PHTF2: variants seen among roughly 807,000 people sequenced by gnomAD.
PHTF2 encodes putative homeodomain transcription factor 2.
A neutral mutation model predicts 101.2 loss-of-function variants in PHTF2; 60 were observed. That is an observed-to-expected ratio of 0.59 (90% CI 0.48 to 0.73). The LOEUF is 0.73. Among genes scored for constraint, PHTF2 ranks in the 30% least tolerant of loss-of-function variants. PHTF2 has a pLI of 0.00. For synonymous variants in PHTF2, 311 were observed against 307.3 expected (o/e 1.01, Z -0.13); for missense variants, 747 against 908.7 (o/e 0.82, Z 2.29).
chr7:77,843,155 G>A (rs1796016951), intron 2 of PHTF2, among the ~76,000 whole-genome samples: 1 of 152,108 alleles, frequency 6.6e-6, no homozygotes, highest in Non-Finnish European at 1.5e-5. Context: ...CTTCCCCTAA[G>A]TTTCCCCCCT....
Position 77,927,157 on chromosome 7 carries a change from C to CAA in PHTF2, c.1120-1932_1120-1931dup, listed in dbSNP as rs869210694. Among the ~76,000 whole-genome samples the CAA allele has an allele frequency of 5.8e-3, 212 of 36,494 alleles. 7 individuals carry two copies. Among genetic ancestry groups the CAA allele is most frequent in the African/African-American group, 7.4e-3 (99 of 13,340 alleles). The allele number at this position is 36,494 out of a possible 152,430, so 23.9% of individuals were successfully genotyped here. On this transcript the variant is annotated intron_variant, in intron 11 of 19. Coordinates refer to ENST00000416283, the Ensembl canonical transcript of PHTF2. ...TGGGTGACAGAGTGAGACTCCATCT[C>CAA]AAAAAAAAAAAAAAAAAAAAATATA...
chr7:77,888,305 G>A (rs374391682), intron 3 of PHTF2, among the ~76,000 whole-genome samples: 2 of 152,090 alleles, frequency 1.3e-5, no homozygotes, highest in Non-Finnish European at 2.9e-5. Context: ...TAGTAGAGAC[G>A]GGGTTTCACC....
chr7:77,929,411 A>G, intron 12 of PHTF2, 84 bp downstream of exon 11: 1 of 685,034 alleles, frequency 1.5e-6, no homozygotes, highest in Non-Finnish European at 2.5e-6. Context: ...GTGAAGAAAA[A>G]GCTTACATTC....
At chr7:77,817,783 T>TA in intron 1 of PHTF2, among the ~76,000 whole-genome samples, 1 of 152,286 alleles carries the variant, frequency 6.6e-6, no homozygotes, top group East Asian at 1.9e-4. Flanking sequence ...TGCCCATCTT[T>TA]AAATTGGATT....
chr7:77,809,752 G>C (rs1793290030), intron 1 of PHTF2, among the ~76,000 whole-genome samples: 1 of 152,142 alleles, frequency 6.6e-6, no homozygotes, highest in African/African-American at 2.4e-5. Flanking sequence ...GGACATAGTA[G>C]ATATTAAGGA....
At chr7:77,879,490 A>G (rs955622395) in intron 3 of PHTF2, among the ~76,000 whole-genome samples, 1 of 152,096 alleles carries the variant, frequency 6.6e-6, no homozygotes, top group Admixed American at 6.6e-5. Context: ...CCTTTCTTCC[A>G]TTCCCTCCCT....
chr7:77,904,867 T>A (rs1801712776), intron 7 of PHTF2, among the ~76,000 whole-genome samples: 1 of 152,214 alleles, frequency 6.6e-6, no homozygotes, highest in Non-Finnish European at 1.5e-5. Flanking sequence ...TGTTTCTTTA[T>A]ATGTCTCTTC....
At chr7:77,889,851 G>A (rs1035567657) in intron 3 of PHTF2, among the ~76,000 whole-genome samples, 1 of 151,760 alleles carries the variant, frequency 6.6e-6, no homozygotes, top group African/African-American at 2.4e-5. Flanking sequence ...CGCCTGCCTC[G>A]GCCTCCCAAA....
intron 1 of PHTF2, among the ~76,000 whole-genome samples, chr7:77,802,827 G>A (rs1180246859): frequency 1.3e-5 from 2 of 152,162 alleles, no homozygotes; most frequent in Admixed American, 6.5e-5. Context: ...CACCACTCCT[G>A]GCCAGTGTGT....
intron 16 of PHTF2, among the ~76,000 whole-genome samples, chr7:77,944,323 G>A (rs1805874371): frequency 6.6e-6 from 1 of 152,194 alleles, no homozygotes; most frequent in African/African-American, 2.4e-5. Context: ...TACAGCCTCA[G>A]TGAAAAGTTG....
Position 77,825,587 on chromosome 7 carries a change from T to G in PHTF2, c.-35-14634T>G, listed in dbSNP as rs535813745. Among the ~76,000 whole-genome samples, 3 of 152,352 alleles carry G rather than the reference T, an allele frequency of 2.0e-5. No homozygotes were observed. The South Asian group carries it at 6.2e-4, about 32-fold the overall frequency. ...AAGGACACCTCAGCAATGCCTGTGC[T>G]CAGTCCAATTTTAGCTCTTCCTTTT... is the stretch of plus-strand genomic sequence containing the variant. On this transcript the variant is annotated intron_variant, in intron 1 of 19. Transcript: ENST00000416283.
At chr7:77,804,759 C>T (rs762130413) in intron 1 of PHTF2, among the ~76,000 whole-genome samples, 1 of 152,174 alleles carries the variant, frequency 6.6e-6, no homozygotes, top group African/African-American at 2.4e-5. Context: ...TCAATCATGC[C>T]TCGTCCCAAC....
At chr7:77,905,993 T>TC (rs1170428946) in intron 7 of PHTF2, among the ~76,000 whole-genome samples, 1 of 151,842 alleles carries the variant, frequency 6.6e-6, no homozygotes, top group Admixed American at 6.6e-5. Context: ...TATATCTTCT[T>TC]TTTTTTTGAG....
At chr7:77,938,037 C>T (rs893232332) in intron 13 of PHTF2, 199 bp downstream of exon 12, 2 of 245,902 alleles carry the variant, frequency 8.1e-6, no homozygotes, top group Non-Finnish European at 1.5e-5. Flanking sequence ...CTAGTGTTTT[C>T]ACTTATCTGA....
chr7:77,881,660 T>C (rs965465739), intron 3 of PHTF2, among the ~76,000 whole-genome samples: 3 of 152,200 alleles, frequency 2.0e-5, no homozygotes, highest in Non-Finnish European at 2.9e-5. Context: ...TGTGAGCCAC[T>C]GCACCCAGCC....
chr7:77,893,938 A>C (rs749331371), intron 4 of PHTF2, 44 bp from the exon 4 acceptor site: 2 of 1,421,650 alleles, frequency 1.4e-6, no homozygotes, highest in Admixed American at 1.7e-5. Context: ...TTATACTTCT[A>C]GTTTGCTTTT....
intron 11 of PHTF2, among the ~76,000 whole-genome samples, chr7:77,928,885 A>G (rs1030389527): frequency 2.0e-5 from 3 of 152,246 alleles, no homozygotes; most frequent in Non-Finnish European, 4.4e-5. Context: ...TTGTATGCAA[A>G]GTAATATCTG....
intron 3 of PHTF2, among the ~76,000 whole-genome samples, chr7:77,871,140 G>A (rs1441593291): frequency 6.6e-6 from 1 of 152,014 alleles, no homozygotes; most frequent in Non-Finnish European, 1.5e-5. Flanking sequence ...TTTCTCTGGT[G>A]GAGTGACCCA....
At chr7:77,923,724 A>T in intron 11 of PHTF2, 1 of 985,204 alleles carries the variant, frequency 1.0e-6, no homozygotes, top group Non-Finnish European at 1.2e-6. Context: ...GTCTTACTGT[A>T]TGTACTGTTA....
Sources: allele counts gnomAD v4.1 joint callset (sites outside exome capture counted in the v4.1 genomes callset), GRCh38; gene constraint gnomAD v4.1.1; transcripts MANE v1.5; gene names NCBI Gene and HGNC (gene_info 2026-07-23, HGNC 2026-07-21).